Variants in MAP3K5 observed in about 807,000 individuals in gnomAD.
The protein encoded by MAP3K5 is mitogen-activated protein kinase kinase kinase 5, also known as ASK-1.
A neutral mutation model predicts 158.7 loss-of-function variants in MAP3K5; 56 were observed. The ratio of observed to expected loss-of-function variants is 0.35; its 90% CI spans 0.28 to 0.44. The LOEUF is 0.44. Ranked by LOEUF, MAP3K5 falls within the 20% of genes least tolerant of loss-of-function variation. The pLI, the probability that MAP3K5 is intolerant of heterozygous loss-of-function variation, is 1.00. For missense variants in MAP3K5, 1,294 were observed against 1,674.8 expected, an observed-to-expected ratio of 0.77 and a Z score of 3.97; for synonymous variants, 579 against 601.7, an observed-to-expected ratio of 0.96 and a Z score of 0.55.
At chr6:136,640,879 T>C (rs917879500) in intron 12 of MAP3K5, among the ~76,000 whole-genome samples, 2 of 152,326 alleles carry the variant, frequency 1.3e-5, no homozygotes, top group Admixed American at 1.3e-4. Context: ...TGAGCTCTCT[T>C]TGAAGTCACA....
At chr6:136,777,836 T>C (rs1291239740) in intron 1 of MAP3K5, among the ~76,000 whole-genome samples, 1 of 145,546 alleles carries the variant, frequency 6.9e-6, no homozygotes, top group African/African-American at 2.6e-5. Flanking sequence ...GGCATTCAGG[T>C]TGACAATTTT....
intron 17 of MAP3K5, among the ~76,000 whole-genome samples, chr6:136,612,561 C>A (rs1231714294): frequency 6.6e-6 from 1 of 151,938 alleles, no homozygotes; most frequent in Non-Finnish European, 1.5e-5. Context: ...TTTCAACAGT[C>A]CAGACTTTGT....
Position 136,656,421 on chromosome 6 carries a change from C to T in MAP3K5, c.1566G>A (p.Lys522=). The T allele has an allele frequency of 1.2e-6, 2 of 1,604,690 alleles. No homozygotes were observed. The highest frequency in any genetic ancestry group is 1.1e-5 in the South Asian group (1 of 89,564). ...KSIVETILIY[K]HFVKLTTEQP... ...GTTCTGTGGTCAGTTTCACAAAATGCTTATATATTAAAATTGTCTCTACAA... is the reference window on the plus strand; with the variant it reads ...GTTCTGTGGTCAGTTTCACAAAATGTTTATATATTAAAATTGTCTCTACAA... Residue 522 remains lysine (K), a synonymous_variant, in exon 10 of 30, where the codon AAG becomes AAA. Coordinates refer to ENST00000359015, the MANE Select transcript of MAP3K5 (RefSeq NM_005923.4).
In MAP3K5 at chr6:136,644,320, G is replaced by A. The variant is rs1242265356; in HGVS notation, c.1789-1751C>T. On this transcript the variant is annotated intron_variant, in intron 11 of 29. Coordinates refer to ENST00000359015, the MANE Select transcript of MAP3K5 (RefSeq NM_005923.4). ...AGGCCTCCCTCCCCACCTACCTGTA[G>A]GACACACCACAAGGAGGCGCTGATG... Among the ~76,000 whole-genome samples, 4 of 152,166 alleles carry A rather than the reference G, an allele frequency of 2.6e-5. No homozygotes were observed. In the East Asian group the frequency reaches 7.7e-4, roughly 29 times the overall value.
In MAP3K5 at chr6:136,652,053, T is replaced by C. The variant is rs1778540933; in HGVS notation, c.1681-962A>G. ...GCTTAACACTCAAGAAAATTATCTT[T>C]AGAACTAATCTTGAATCAAGCAAGT... On this transcript the variant is annotated intron_variant, in intron 10 of 29. Coordinates refer to ENST00000359015, the MANE Select transcript of MAP3K5 (RefSeq NM_005923.4). Among the ~76,000 whole-genome samples, 4 of 152,152 alleles carry C rather than the reference T, an allele frequency of 2.6e-5. No homozygotes were observed. The South Asian group carries it at 8.3e-4, about 32-fold the overall frequency.
chr6:136,580,136 A>G (rs906855012), intron 25 of MAP3K5, among the ~76,000 whole-genome samples, 165 bp downstream of exon 25: 5 of 152,222 alleles, frequency 3.3e-5, no homozygotes, highest in African/African-American at 1.2e-4. Flanking sequence ...TGCTTGGTGT[A>G]CCATTATCCA....
intron 7 of MAP3K5, among the ~76,000 whole-genome samples, chr6:136,673,001 A>G (rs1188797817): frequency 1.3e-5 from 2 of 151,048 alleles, no homozygotes; most frequent in Admixed American, 1.3e-4. Flanking sequence ...AAAAAAAAAA[A>G]AAAAGAAAAA....
At chr6:136,583,821 C>T in intron 23 of MAP3K5, 81 bp from the exon 24 acceptor site, 1 of 1,319,108 alleles carries the variant, frequency 7.6e-7, no homozygotes, top group East Asian at 2.4e-5. Context: ...ATACCCCCTG[C>T]CCCCACATTT....
chr6:136,792,745 T>TG (rs1387787587), upstream of MAP3K5, among the ~76,000 whole-genome samples: 1 of 152,130 alleles, frequency 6.6e-6, no homozygotes, highest in Non-Finnish European at 1.5e-5. The surrounding 1 kb of genome is among the most constrained non-coding windows in gnomAD (Gnocchi z 5.7). Context: ...CTTCATCGGG[T>TG]GGATTTCCTC....
Position 136,583,577 on chromosome 6 carries a change from A to G in MAP3K5, c.3389T>C (p.Val1130Ala), listed in dbSNP as rs1774982963. 6.2e-7 allele frequency: 1 copy of G among 1,614,114 alleles called. No homozygotes were observed. The highest frequency in any genetic ancestry group is 2.2e-5 in the East Asian group (1 of 44,866). The change falls in exon 24 of 30, where the codon GTA becomes GCA. Residue 1130 changes from valine to alanine, a missense_variant. Transcript: ENST00000359015. ...DSHGISQVQV[V>A]LFGFQDAVNK... ...TACAGCATCTTGAAAACCAAAGAGT[A>G]CCACCTGGACTTGGCTAATGCCATG...
intron 21 of MAP3K5, chr6:136,592,822 C>T (rs981967920): frequency 1.4e-5 from 9 of 628,672 alleles, no homozygotes; most frequent in Non-Finnish European, 2.1e-5. Flanking sequence ...GAAAGGGCCT[C>T]CCAGGCCCTG....
chr6:136,629,662 G>A lies in MAP3K5; in HGVS notation c.2017-6681C>T, dbSNP rs183184577. On this transcript the variant is annotated intron_variant, in intron 14 of 29. Coordinates refer to ENST00000359015, the MANE Select transcript of MAP3K5 (RefSeq NM_005923.4). ...GTAGAGATGGGCTTTCACCTTGTTA[G>A]CCAGGATGGTCTCAATCTCCTGACC... Among the ~76,000 whole-genome samples the A allele has an allele frequency of 3.4e-3, 516 of 152,152 alleles. 1 individual carries two copies. Among genetic ancestry groups the A allele is most frequent in the Non-Finnish European group, 5.6e-3 (384 of 67,988 alleles).
At chr6:136,766,531 G>A (rs1211974969) in intron 1 of MAP3K5, among the ~76,000 whole-genome samples, 2 of 152,180 alleles carry the variant, frequency 1.3e-5, no homozygotes, top group African/African-American at 2.4e-5. Context: ...CTGGGTTTTA[G>A]GGTACTGAGT....
At chr6:136,593,062 G>C (rs957235496) in intron 21 of MAP3K5, among the ~76,000 whole-genome samples, 4 of 152,130 alleles carry the variant, frequency 2.6e-5, no homozygotes, top group South Asian at 2.1e-4. Flanking sequence ...TGAGTGAGTG[G>C]GATGCTGTAG....
chr6:136,662,392 G>T (rs1046853038), intron 8 of MAP3K5, among the ~76,000 whole-genome samples: 9 of 152,154 alleles, frequency 5.9e-5, no homozygotes, highest in Admixed American at 5.9e-4. Flanking sequence ...TTGTGAATGA[G>T]CATTTATGCT....
At chr6:136,599,994 A>G (rs1372935761) in intron 21 of MAP3K5, among the ~76,000 whole-genome samples, 1 of 152,134 alleles carries the variant, frequency 6.6e-6, no homozygotes, top group East Asian at 1.9e-4. Flanking sequence ...GGAAGAAGAA[A>G]AAGTAGAGAG....
intron 7 of MAP3K5, among the ~76,000 whole-genome samples, chr6:136,689,641 G>C (rs913175432): frequency 6.6e-6 from 1 of 152,156 alleles, no homozygotes; most frequent in African/African-American, 2.4e-5. Context: ...TATAGAGGGA[G>C]TGGGCTCCTT....
At chr6:136,760,437 A>G (rs575832326) in intron 1 of MAP3K5, among the ~76,000 whole-genome samples, 1 of 152,348 alleles carries the variant, frequency 6.6e-6, no homozygotes, top group South Asian at 2.1e-4. Context: ...CTCTTACATG[A>G]GGTATTATTT....
intron 4 of MAP3K5, among the ~76,000 whole-genome samples, chr6:136,698,200 C>T (rs1237177173): frequency 6.6e-6 from 1 of 152,182 alleles, no homozygotes; most frequent in African/African-American, 2.4e-5. Flanking sequence ...AGTCCCTGGA[C>T]ATTTATCCTG....
Sources: allele counts gnomAD v4.1 joint callset (sites outside exome capture counted in the v4.1 genomes callset), GRCh38; gene constraint gnomAD v4.1.1; non-coding constraint Gnocchi (gnomAD v3.1); transcripts MANE v1.5; gene names NCBI Gene and HGNC (gene_info 2026-07-23, HGNC 2026-07-21).